NSD1: variants seen among roughly 807,000 people sequenced by gnomAD.
NSD1 encodes the protein histone-lysine N-methyltransferase, H3 lysine-36 specific.
NSD1 carries 26 observed loss-of-function variants against 242.7 expected under a neutral mutation model. The observed-to-expected ratio is 0.11, with a 90% CI of 0.08 to 0.15. The LOEUF (loss-of-function observed/expected upper bound fraction) is 0.15. Ranked by LOEUF, NSD1 falls within the 10% of genes least tolerant of loss-of-function variation. The pLI is 1.00. For missense variants in NSD1, 2,495 were observed against 3,272.8 expected, an observed-to-expected ratio of 0.76 and a Z score of 5.80; for synonymous variants, 1,106 against 1,178.1, an observed-to-expected ratio of 0.94 and a Z score of 1.25.
intron 13 of NSD1, among the ~76,000 whole-genome samples, chr5:177,258,576 C>T: frequency 6.6e-6 from 1 of 150,924 alleles, no homozygotes. Flanking sequence ...ACTTTTGTTG[C>T]CCAGGCTGGA....
At chr5:177,132,094 G>C (rs904014334), upstream of NSD1, among the ~76,000 whole-genome samples, 1 of 152,180 alleles carries the variant, frequency 6.6e-6, no homozygotes, top group Admixed American at 6.5e-5. The surrounding 1 kb of genome is among the most constrained non-coding windows in gnomAD (Gnocchi z 7.5). Context: ...TGCTAGATTC[G>C]GTGCTGCGGG....
chr5:177,237,496 AAT>A (rs1554195645), intron 6 of NSD1, among the ~76,000 whole-genome samples: 1 of 147,990 alleles, frequency 6.8e-6, no homozygotes, highest in Non-Finnish European at 1.5e-5. Context: ...TGGTTAAAAA[AAT>A]ATATATATAT....
Position 177,211,277 on chromosome 5 carries a change from G to A in NSD1, c.2878G>A (p.Gly960Ser), listed in dbSNP as rs2149846444. The A allele has an allele frequency of 6.2e-7, 1 of 1,614,086 alleles. No homozygotes were observed. The highest frequency in any genetic ancestry group is 8.5e-7 in the Non-Finnish European group (1 of 1,180,012). ...VGVSKVLVSGGSTHNSEKKGD... is the reference protein window; with the variant it reads ...VGVSKVLVSGSSTHNSEKKGD... The stretch of plus-strand genomic sequence containing the variant: ...AGTCTCTAAGGTTTTGGTTTCAGGA[G>A]GCTCCACACACAATTCAGAGAAAAA... Residue 960 changes from glycine to serine, a missense_variant, in exon 5 of 23, where the codon GGC becomes AGC. Gly to Ser is a moderately conservative substitution (Grantham distance 56). Coordinates refer to ENST00000439151, the MANE Select transcript of NSD1 (RefSeq NM_022455.5).
chr5:177,137,162 C>G, intron 2 of NSD1: 3 of 372,016 alleles, frequency 8.1e-6, no homozygotes, highest in Non-Finnish European at 1.4e-5. Context: ...TTCTCTTAGC[C>G]TCAATTTTAT....
At chr5:177,286,163 G>T (rs1335183685) in intron 20 of NSD1, among the ~76,000 whole-genome samples, 1 of 152,114 alleles carries the variant, frequency 6.6e-6, no homozygotes, top group African/African-American at 2.4e-5. Context: ...CGCCCGGCCT[G>T]TGTTTTAAAT....
chr5:177,143,847 C>T (rs976208903), intron 2 of NSD1, among the ~76,000 whole-genome samples: 98 of 146,274 alleles, frequency 6.7e-4, no homozygotes, highest in Non-Finnish European at 6.3e-4. Flanking sequence ...CAAAATGGCA[C>T]GATCTTGGCT....
rs1326924028 is a variant in NSD1 at position 177,295,676 on chromosome 5, C to T, written c.*217C>T. ...CCATGTATGAAAATCCAGTGGGCCC[C>T]AACCAAGGAGACAGACAGACTTGGG... is the stretch of plus-strand genomic sequence containing the variant. On this transcript the variant is annotated 3_prime_UTR_variant, in exon 23 of 23. Coordinates refer to ENST00000439151, the MANE Select transcript of NSD1 (RefSeq NM_022455.5). The surrounding 1 kb of genome is among the most constrained non-coding windows in gnomAD (Gnocchi z 4.3). The T allele has an allele frequency of 1.6e-6, 1 of 617,806 alleles. No homozygotes were observed. The highest frequency in any genetic ancestry group is 2.7e-5 in the Admixed American group (1 of 37,506). 38.3% of individuals were successfully genotyped at this position (617,806 alleles called of 1,614,324 possible).
chr5:177,279,701 C>T (rs920444519), intron 17 of NSD1, among the ~76,000 whole-genome samples: 1 of 147,220 alleles, frequency 6.8e-6, no homozygotes, highest in Non-Finnish European at 1.5e-5. Flanking sequence ...GCAAGCTCCG[C>T]TGCCTCCCAG....
At chr5:177,272,287 G>T (rs578056461) in intron 16 of NSD1, among the ~76,000 whole-genome samples, 65 of 152,166 alleles carry the variant, frequency 4.3e-4, no homozygotes, top group African/African-American at 1.4e-3. Context: ...CTCCTTAGAA[G>T]AACACATTTT....
In NSD1 at chr5:177,299,068, A is replaced by T. The variant is rs763328997; in HGVS notation, c.*3609A>T. On this transcript the variant is annotated 3_prime_UTR_variant, in exon 23 of 23. Coordinates refer to ENST00000439151, the MANE Select transcript of NSD1 (RefSeq NM_022455.5). ...TTGGTAGTTGCTGTGGGAGCCTGTC[A>T]TTGGCTATGGCCAGTTAGTTCTCAG... 21 of 233,074 alleles carry T rather than the reference A, an allele frequency of 9.0e-5. No individual in the cohort carries two copies. Among genetic ancestry groups the T allele is most frequent in the Non-Finnish European group, 1.7e-4 (20 of 117,986 alleles). 14.4% of individuals were successfully genotyped at this position (233,074 alleles called of 1,614,324 possible). A position where few individuals can be genotyped will look rare whatever the true frequency, so the allele number is the denominator to read the frequency against.
chr5:177,204,063 A>G, intron 3 of NSD1, 57 bp from the exon 4 acceptor site: 1 of 1,509,168 alleles, frequency 6.6e-7, no homozygotes. Context: ...CTGTTCTCTT[A>G]ATGATGAGAA....
At chr5:177,257,432 C>T (rs979136388) in intron 13 of NSD1, among the ~76,000 whole-genome samples, 1 of 151,936 alleles carries the variant, frequency 6.6e-6, no homozygotes, top group Non-Finnish European at 1.5e-5. Context: ...GGGGTTTCAC[C>T]GTGTTAGCCA....
At chr5:177,162,578 C>T (rs1034335657) in intron 2 of NSD1, among the ~76,000 whole-genome samples, 2 of 152,086 alleles carry the variant, frequency 1.3e-5, no homozygotes, top group South Asian at 2.1e-4. Context: ...GGGTTTCTTT[C>T]GCCCTATTGG....
chr5:177,295,389 A>C lies in NSD1; in HGVS notation c.8021A>C (p.Glu2674Ala). Residue 2674 changes from glutamate to alanine, a missense_variant, in exon 23 of 23, where the codon GAG becomes GCG. Glu to Ala is a moderately radical substitution (Grantham distance 107). Transcript: ENST00000439151. This position sits in a 1 kb window ranked among gnomAD's most constrained non-coding sequence, Gnocchi z 4.3. ...GGAAGAGGGCAAGACCCCAAACCAG[A>C]GCAAAATACACTTCCAGCTCTTAAC... Reference protein sequence around the residue: ...SLGRGQDPKPEQNTLPALNQA... With the variant: ...SLGRGQDPKPAQNTLPALNQA... 6.2e-7 allele frequency: 1 copy of C among 1,614,216 alleles called. No homozygotes were observed. The highest frequency in any genetic ancestry group is 8.5e-7 in the Non-Finnish European group (1 of 1,180,032).
chr5:177,299,483 T>A lies in NSD1; in HGVS notation c.*4024T>A, dbSNP rs753812848. ...TCCGTCCACGCTGCCTGGAGCAGGT[T>A]GTTAGAGAGCTCTGGTTGTTGGGTC... On this transcript the variant is annotated 3_prime_UTR_variant, in exon 23 of 23. Coordinates refer to ENST00000439151, the MANE Select transcript of NSD1 (RefSeq NM_022455.5). The A allele has an allele frequency of 5.6e-5, 13 of 233,142 alleles. No individual in the cohort carries two copies. The highest frequency in any genetic ancestry group is 1.1e-4 in the Non-Finnish European group (13 of 118,050). The allele number at this position is 233,142 out of a possible 1,614,324, so 14.4% of individuals were successfully genotyped here. A position where few individuals can be genotyped will look rare whatever the true frequency, so the allele number is the denominator to read the frequency against.
chr5:177,264,693 A>C (rs549394318), intron 14 of NSD1: 19 of 560,874 alleles, frequency 3.4e-5, no homozygotes, highest in Admixed American at 3.3e-4. Context: ...TCTTATTTTA[A>C]GAGCTTGTTG....
chr5:177,185,427 GTCTCTC>G (rs1427234374), intron 2 of NSD1, among the ~76,000 whole-genome samples: 1 of 151,408 alleles, frequency 6.6e-6, no homozygotes, highest in African/African-American at 2.4e-5. Context: ...GTGAAACCCT[GTCTCTC>G]CTAAAAATAC....
intron 13 of NSD1, among the ~76,000 whole-genome samples, chr5:177,257,487 T>TC (rs1386171400): frequency 3.3e-5 from 5 of 152,150 alleles, no homozygotes; most frequent in Admixed American, 6.6e-5. Context: ...TGCCTCGGCC[T>TC]CCCAAAGTGC....
chr5:177,293,426 C>T (rs1760003079), intron 22 of NSD1, among the ~76,000 whole-genome samples: 1 of 152,018 alleles, frequency 6.6e-6, no homozygotes, highest in Non-Finnish European at 1.5e-5. Flanking sequence ...GGATATTTCT[C>T]TTTGAGTTGC....
Sources: allele counts gnomAD v4.1 joint callset (sites outside exome capture counted in the v4.1 genomes callset), GRCh38; gene constraint gnomAD v4.1.1; non-coding constraint Gnocchi (gnomAD v3.1); transcripts MANE v1.5; gene names NCBI Gene and HGNC (gene_info 2026-07-23, HGNC 2026-07-21).